Variants in GTF3C5 observed in about 807,000 individuals in gnomAD.
The protein encoded by GTF3C5 is general transcription factor 3C polypeptide 5.
In GTF3C5, 47 loss-of-function variants were observed where a neutral mutation model predicts 61.0. The ratio of observed to expected loss-of-function variants is 0.77; its 90% CI spans 0.61 to 0.98. The LOEUF (loss-of-function observed/expected upper bound fraction) is 0.98. Among genes scored for constraint, GTF3C5 ranks in the 50% least tolerant of loss-of-function variants. The pLI is 0.00. For synonymous variants in GTF3C5, 295 were observed against 275.4 expected (o/e 1.07, Z -0.71); for missense variants, 659 against 703.3 (o/e 0.94, Z 0.71).
chr9:133,031,272 G>A (rs1419476838), intron 1 of GTF3C5, 108 bp downstream of exon 1: 1 of 900,646 alleles, frequency 1.1e-6, no homozygotes, highest in Non-Finnish European at 1.7e-6. Context: ...TACTTACGCA[G>A]AAGGGTGCTG....
intron 4 of GTF3C5, 114 bp downstream of exon 4, chr9:133,051,092 C>T (rs1850359630): frequency 1.4e-6 from 1 of 724,866 alleles, no homozygotes. Flanking sequence ...GACCTTTACC[C>T]ATTCCTTAGT....
chr9:133,047,568 C>G (rs1588472533), intron 3 of GTF3C5, among the ~76,000 whole-genome samples: 2 of 151,658 alleles, frequency 1.3e-5, no homozygotes, highest in South Asian at 4.1e-4. Context: ...GTCACCCAGG[C>G]TGGAATGCAG....
At chr9:133,030,794 T>C (rs1329229263), upstream of GTF3C5, 3 of 651,976 alleles carry the variant, frequency 4.6e-6, no homozygotes, top group African/African-American at 5.5e-5. Context: ...TAATTTTAAA[T>C]AAAAAGTCGA....
chr9:133,047,672 C>G (rs1410796841), intron 3 of GTF3C5, among the ~76,000 whole-genome samples: 1 of 152,116 alleles, frequency 6.6e-6, no homozygotes, highest in African/African-American at 2.4e-5. Flanking sequence ...CAGGTGCGCG[C>G]CATCACGCCC....
intron 6 of GTF3C5, 100 bp from the exon 7 acceptor site, chr9:133,054,308 C>A: frequency 1.0e-6 from 1 of 954,958 alleles, no homozygotes. Flanking sequence ...CTCTCAGGAG[C>A]TGGCCCCATG....
chr9:133,056,785 C>T lies in GTF3C5; in HGVS notation c.1270C>T (p.Arg424Cys), dbSNP rs770627902. Reference protein sequence around the residue: ...NVEELQKIIHRNDGAENSCTE... With the variant: ...NVEELQKIIHCNDGAENSCTE... ...CCCCAGGTTGCAGAAGATCATTCAC[C>T]GCAATGACGGGGCAGAGAATTCCTG... The change falls in exon 10 of 11, where the codon CGC (arginine) becomes TGC (cysteine). Residue 424 changes from arginine to cysteine, a missense_variant. By Grantham distance (180) the Arg-to-Cys change is radical. Coordinates refer to ENST00000372097, the MANE Select transcript of GTF3C5 (RefSeq NM_012087.4). 7.5e-6 allele frequency: 12 copies of T among 1,607,702 alleles called. No individual in the cohort carries two copies. Among genetic ancestry groups the T allele is most frequent in the Admixed American group, 6.8e-5 (4 of 59,200 alleles).
At position 133,055,999 on chromosome 9, in the gene GTF3C5, C is replaced by A. The variant is rs199790336; in HGVS notation, c.1168-13C>A. On this transcript the variant is annotated splice_polypyrimidine_tract_variant and intron_variant, in intron 8 of 10. Transcript: ENST00000372097. ...GGCTCACCTTCCCTGTCTCTCTCCC[C>A]CTTTGTCACCAGGACTCTGTCTACA... 1.9e-4 allele frequency: 300 copies of A among 1,614,052 alleles called. No individual in the cohort carries two copies. Among genetic ancestry groups the A allele is most frequent in the Admixed American group, 2.8e-4 (17 of 60,014 alleles).
Position 133,057,863 on chromosome 9 carries a change from G to T in GTF3C5, c.1443G>T (p.Thr481=). 1.2e-6 allele frequency: 2 copies of T among 1,613,630 alleles called. No homozygotes were observed. The highest frequency in any genetic ancestry group is 1.3e-5 in the African/African-American group (1 of 75,064). The change falls in exon 11 of 11, where the codon ACG becomes ACT. Residue 481 remains threonine, a synonymous_variant. Transcript: ENST00000372097. ...CTGATGGCGGAAAAGAGCAGCTGACGTACGAGTCTGGGGAAGACGAGGAGG... is the reference window on the plus strand; with the variant it reads ...CTGATGGCGGAAAAGAGCAGCTGACTTACGAGTCTGGGGAAGACGAGGAGG... ...AKADGGKEQL[T]YESGEDEEDE...
intron 4 of GTF3C5, 117 bp from the exon 5 acceptor site, chr9:133,051,943 G>C: frequency 1.7e-6 from 1 of 573,270 alleles, no homozygotes; most frequent in Non-Finnish European, 3.1e-6. Flanking sequence ...TCCAGCCCCT[G>C]TCCTCTACCA....
At chr9:133,055,431 T>G in intron 8 of GTF3C5, 1 of 1,243,996 alleles carries the variant, frequency 8.0e-7, no homozygotes, top group Non-Finnish European at 1.0e-6. Context: ...GGGCCCTGCC[T>G]ATTTTCTAGG....
rs368505787 is a variant in GTF3C5 at position 133,050,804 on chromosome 9, C to T, written c.594C>T (p.Pro198=). Residue 198 remains proline (P), a synonymous_variant, in exon 4 of 11, where the codon CCC becomes CCT. Coordinates refer to ENST00000372097, the MANE Select transcript of GTF3C5 (RefSeq NM_012087.4). ...TQHREGYNNP[P]ISGENLIGLS... is the part of the protein sequence containing the mutation. ...CCAGGGAAGGCTACAACAATCCCCC[C>T]ATCTCAGGTGAGAATCTGATTGGCC... 5.6e-6 allele frequency: 9 copies of T among 1,613,450 alleles called. No homozygotes were observed. The highest frequency in any genetic ancestry group is 7.6e-6 in the Non-Finnish European group (9 of 1,179,636).
intron 1 of GTF3C5, among the ~76,000 whole-genome samples, chr9:133,034,498 A>T (rs972619259): frequency 7.9e-5 from 12 of 152,180 alleles, no homozygotes; most frequent in Non-Finnish European, 1.5e-4. Flanking sequence ...ACAAGTGATT[A>T]TTAAGCCCTT....
intron 3 of GTF3C5, among the ~76,000 whole-genome samples, chr9:133,046,405 C>T (rs1056869398): frequency 3.9e-5 from 6 of 152,184 alleles, no homozygotes; most frequent in African/African-American, 1.4e-4. Flanking sequence ...AGGTGCCTCC[C>T]TTGCTCTGTG....
At position 133,043,886 on chromosome 9, in the gene GTF3C5, G is replaced by A. The variant is rs202102841; in HGVS notation, c.532G>A (p.Ala178Thr). Residue 178 changes from alanine (A) to threonine (T), a missense_variant, in exon 3 of 11, where the codon GCC (alanine) becomes ACC (threonine). Coordinates refer to ENST00000372097, the MANE Select transcript of GTF3C5 (RefSeq NM_012087.4). ...CCCACCCATCTTCTCCCGGCTGGAC[G>A]CCCCGGTGGACTACTTCTACCGACC... is the stretch of plus-strand genomic sequence containing the variant. ...IPPPIFSRLD[A>T]PVDYFYRPET... 17 of 1,613,946 alleles carry A rather than the reference G, an allele frequency of 1.1e-5. No individual in the cohort carries two copies. The East Asian group carries it at 1.3e-4, about 13-fold the overall frequency.
chr9:133,054,067 C>A, intron 6 of GTF3C5, 125 bp downstream of exon 6: 1 of 704,256 alleles, frequency 1.4e-6, no homozygotes, highest in Non-Finnish European at 2.4e-6. Flanking sequence ...GCCCCCGTTG[C>A]TGAGACTCTT....
chr9:133,038,685 G>GACCTCAGGTC (rs1168561491), intron 1 of GTF3C5, among the ~76,000 whole-genome samples: 1 of 151,428 alleles, frequency 6.6e-6, no homozygotes, highest in East Asian at 1.9e-4. Context: ...TCGAACTCCT[G>GACCTCAGGTC]ACCTCAGGTG....
intron 3 of GTF3C5, among the ~76,000 whole-genome samples, chr9:133,049,618 T>A (rs1433773180): frequency 6.6e-6 from 1 of 151,944 alleles, no homozygotes; most frequent in Non-Finnish European, 1.5e-5. Context: ...CTTGTGGGGG[T>A]TCTTTACACT....
At chr9:133,032,679 C>T (rs377009353) in intron 1 of GTF3C5, among the ~76,000 whole-genome samples, 6 of 152,076 alleles carry the variant, frequency 3.9e-5, no homozygotes, top group Non-Finnish European at 8.8e-5. Flanking sequence ...GAGCTGTCTC[C>T]GTAAGTCTTT....
In GTF3C5 at chr9:133,050,790, T is replaced by G; in HGVS notation, c.580T>G (p.Tyr194Asp). The G allele has an allele frequency of 6.2e-7, 1 of 1,612,828 alleles. No homozygotes were observed. Among genetic ancestry groups the G allele is most frequent in the Admixed American group, 1.7e-5 (1 of 59,846 alleles). ...YRPETQHREG[Y>D]NNPPISGENL... ...TGTACTCTCTGCCCCCAGGGAAGGC[T>G]ACAACAATCCCCCCATCTCAGGTGA... The change falls in exon 4 of 11, where the codon TAC (tyrosine) becomes GAC (aspartate). Residue 194 changes from tyrosine (Y) to aspartate (D), a missense_variant. Transcript: ENST00000372097.
Sources: allele counts gnomAD v4.1 joint callset (sites outside exome capture counted in the v4.1 genomes callset), GRCh38; gene constraint gnomAD v4.1.1; transcripts MANE v1.5; gene names NCBI Gene and HGNC (gene_info 2026-07-23, HGNC 2026-07-21).